The following MYO5B variants were observed in gnomAD, a reference collection of about 807,000 sequenced individuals.
The protein encoded by MYO5B is myosin VB.
MYO5B carries 143 observed loss-of-function variants against 229.3 expected under a neutral mutation model. The observed-to-expected ratio is 0.62, with a 90% CI of 0.54 to 0.72. The LOEUF (loss-of-function observed/expected upper bound fraction) is 0.72, where lower values mean the gene tolerates loss of function less well. Ranked by LOEUF, MYO5B falls within the 30% of genes least tolerant of loss-of-function variation. MYO5B has a pLI of 0.00. For missense variants in MYO5B, 2,321 were observed against 2,331.0 expected, an observed-to-expected ratio of 1.00 and a Z score of 0.09; for synonymous variants, 918 against 885.2, an observed-to-expected ratio of 1.04 and a Z score of -0.66.
chr18:49,834,860 G>C (rs1013319412), intron 39 of MYO5B, among the ~76,000 whole-genome samples: 1 of 152,120 alleles, frequency 6.6e-6, no homozygotes, highest in Admixed American at 6.5e-5. Flanking sequence ...GGATGGTCTT[G>C]ATCTCCTGAC....
intron 22 of MYO5B, among the ~76,000 whole-genome samples, chr18:49,889,897 T>A (rs2915246): frequency 6.6e-6 from 1 of 152,004 alleles, no homozygotes; most frequent in South Asian, 2.1e-4. Context: ...CACCTCCTAT[T>A]GTTTTGAGGC....
At chr18:49,847,008 G>A (rs1402057969) in intron 33 of MYO5B, 138 bp downstream of exon 33, 6 of 1,093,416 alleles carry the variant, frequency 5.5e-6, no homozygotes, top group African/African-American at 1.6e-5. Context: ...GGGGGCAGGT[G>A]CAAGGGCAAG....
At chr18:49,926,364 A>C (rs1241210284) in intron 17 of MYO5B, among the ~76,000 whole-genome samples, 1 of 152,254 alleles carries the variant, frequency 6.6e-6, no homozygotes, top group East Asian at 1.9e-4. Flanking sequence ...GGAAAGTGCC[A>C]GGTGGAGAGA....
At chr18:49,867,078 G>A (rs1342599725) in intron 27 of MYO5B, among the ~76,000 whole-genome samples, 1 of 152,304 alleles carries the variant, frequency 6.6e-6, no homozygotes, top group Non-Finnish European at 1.5e-5. Context: ...AGGGAAGGAA[G>A]CTGGATCCAG....
chr18:49,879,630 G>A (rs2024564855), intron 23 of MYO5B, among the ~76,000 whole-genome samples: 1 of 152,226 alleles, frequency 6.6e-6, no homozygotes, highest in African/African-American at 2.4e-5. Context: ...GATATTGGGT[G>A]GGACTGTGAG....
At chr18:50,183,833 C>T (rs1322302879) in intron 1 of MYO5B, among the ~76,000 whole-genome samples, 1 of 152,078 alleles carries the variant, frequency 6.6e-6, no homozygotes, top group Non-Finnish European at 1.5e-5. Context: ...AGTGAGTTCT[C>T]ACTATAGTGA....
intron 1 of MYO5B, among the ~76,000 whole-genome samples, chr18:50,114,755 G>C (rs1043632040): frequency 1.3e-5 from 2 of 152,312 alleles, no homozygotes; most frequent in Non-Finnish European, 2.9e-5. Flanking sequence ...CAATAAAAAT[G>C]GAAGGGCAGG....
chr18:50,058,576 C>T (rs1434953215), intron 1 of MYO5B, among the ~76,000 whole-genome samples: 6 of 152,110 alleles, frequency 3.9e-5, no homozygotes, highest in Admixed American at 3.9e-4. Flanking sequence ...TTTGGGAGGC[C>T]GAGGTAGGTG....
chr18:49,908,653 G>C (rs1262849008), intron 18 of MYO5B, among the ~76,000 whole-genome samples: 1 of 152,090 alleles, frequency 6.6e-6, no homozygotes, highest in African/African-American at 2.4e-5. Flanking sequence ...ACACTCCTTC[G>C]CCACTGTGAT....
intron 17 of MYO5B, 32 bp downstream of exon 17, chr18:49,929,480 C>T: frequency 6.4e-7 from 1 of 1,574,224 alleles, no homozygotes; most frequent in Non-Finnish European, 8.6e-7. Context: ...CTAGGGCAGC[C>T]CCAGGAGGCA....
chr18:49,924,716 T>C (rs1190781887), intron 17 of MYO5B, among the ~76,000 whole-genome samples: 2 of 152,216 alleles, frequency 1.3e-5, no homozygotes, highest in Non-Finnish European at 2.9e-5. Flanking sequence ...ACAGCATAAC[T>C]TGGGGCAGAG....
Position 49,849,913 on chromosome 18 carries a change from C to T in MYO5B, c.4222-253G>A, listed in dbSNP as rs866909612. Reference sequence around the variant, plus strand: ...ACTCCTCCCAGGTCAGGCTCTCTGGCGCCTTGCTGAATCCCAAGCCTCCCC... The same window carrying T: ...ACTCCTCCCAGGTCAGGCTCTCTGGTGCCTTGCTGAATCCCAAGCCTCCCC... On this transcript the variant is annotated intron_variant, in intron 31 of 39. Transcript: ENST00000285039. 152 of 497,856 alleles carry T rather than the reference C, an allele frequency of 3.1e-4. 2 individuals are homozygous for T. The highest frequency in any genetic ancestry group is 4.9e-4 in the Non-Finnish European group (133 of 272,362). The allele number at this position is 497,856 out of a possible 1,614,324, so 30.8% of individuals were successfully genotyped here.
At chr18:49,897,374 C>T (rs1456441473) in intron 21 of MYO5B, among the ~76,000 whole-genome samples, 1 of 152,028 alleles carries the variant, frequency 6.6e-6, no homozygotes, top group African/African-American at 2.4e-5. Context: ...CGATCCTGAC[C>T]TTGTGTGTGT....
intron 12 of MYO5B, among the ~76,000 whole-genome samples, chr18:49,960,517 C>CACTG (rs796386729): frequency 8.5e-5 from 13 of 152,360 alleles, no homozygotes; most frequent in African/African-American, 2.6e-4. Flanking sequence ...TGCACCCTTT[C>CACTG]ACTGAAGCAT....
At chr18:49,886,719 T>C (rs1598857584) in intron 22 of MYO5B, among the ~76,000 whole-genome samples, 1 of 152,136 alleles carries the variant, frequency 6.6e-6, no homozygotes, top group East Asian at 1.9e-4. Context: ...GAGGCTAAAA[T>C]GTGACCTGGT....
intron 22 of MYO5B, among the ~76,000 whole-genome samples, chr18:49,881,502 A>G (rs928659566): frequency 2.6e-5 from 4 of 152,226 alleles, no homozygotes; most frequent in Admixed American, 1.3e-4. Flanking sequence ...AAGAGGAGTA[A>G]GAATTAAAAG....
At chr18:49,863,381 G>T in intron 28 of MYO5B, 54 bp from the exon 29 acceptor site, 1 of 1,470,936 alleles carries the variant, frequency 6.8e-7, no homozygotes, top group Non-Finnish European at 9.5e-7. Context: ...CCACAAAATG[G>T]CTTTATATAC....
Position 49,936,375 on chromosome 18 carries a change from G to A in MYO5B, c.1906-26C>T, listed in dbSNP as rs568631928. ...CTAGAGAGACAAAAGCCAGTGCTTG[G>A]TTAGTTTTAACAAGTCGTGGATGTG... On this transcript the variant is annotated intron_variant, in intron 15 of 39. Transcript: ENST00000285039. 151 of 1,534,068 alleles carry A rather than the reference G, an allele frequency of 9.8e-5. 2 individuals are homozygous for A. The South Asian group carries it at 1.7e-3, about 18-fold the overall frequency.
intron 5 of MYO5B, among the ~76,000 whole-genome samples, chr18:49,997,369 C>CTTTTTTTTTTT (rs34011258): frequency 3.3e-5 from 2 of 60,348 alleles, no homozygotes; most frequent in African/African-American, 7.1e-5. Flanking sequence ...TCCTTTCTTT[C>CTTTTTTTTTTT]TTTTTTTTTT....
Sources: allele counts gnomAD v4.1 joint callset (sites outside exome capture counted in the v4.1 genomes callset), GRCh38; gene constraint gnomAD v4.1.1; transcripts MANE v1.5; gene names NCBI Gene and HGNC (gene_info 2026-07-23, HGNC 2026-07-21).